The following ZNF181 variants were observed in gnomAD, a reference collection of about 807,000 sequenced individuals.
ZNF181 encodes the protein zinc finger protein 181 (HHZ181).
Under a neutral mutation model 11.9 loss-of-function variants are expected in ZNF181, and 8 were observed. The ratio of observed to expected loss-of-function variants is 0.67; its 90% CI spans 0.39 to 1.21. The LOEUF is 1.21. Among genes scored for constraint, ZNF181 ranks in the 50% most tolerant of loss-of-function variants. The pLI, the probability that ZNF181 is intolerant of heterozygous loss-of-function variation, is 0.01. For missense variants in ZNF181, 542 were observed against 670.9 expected (o/e 0.81, Z 2.12); for synonymous variants, 202 against 221.1 (o/e 0.91, Z 0.77).
Position 34,740,846 on chromosome 19 carries a change from C to T in ZNF181, c.465C>T (p.Tyr155=). 2 of 1,614,084 alleles carry T rather than the reference C, an allele frequency of 1.2e-6. No homozygotes were observed. The highest frequency in any genetic ancestry group is 1.7e-6 in the Non-Finnish European group (2 of 1,179,994). ...AAAGCCCCACTGCAGACAGTGTTTA[C>T]AAATACAATATATTTAGAAGCACCT... ...SRESPTADSV[Y]KYNIFRSTFH... is the part of the protein sequence containing the mutation. Residue 155 remains tyrosine (Y), a synonymous_variant, in exon 4 of 4, where the codon TAC becomes TAT. Coordinates refer to ENST00000492450, the MANE Select transcript of ZNF181 (RefSeq NM_001029997.4).
chr19:34,739,711 T>G, intron 3 of ZNF181, 90 bp downstream of exon 3: 1 of 1,304,732 alleles, frequency 7.7e-7, no homozygotes, highest in Non-Finnish European at 1.1e-6. Flanking sequence ...TGGAGGCATT[T>G]TAGGTATACT....
rs544550134 is a variant in ZNF181 at position 34,741,663 on chromosome 19, A to G, written c.1282A>G (p.Thr428Ala). The change falls in exon 4 of 4, where the codon ACT becomes GCT. Residue 428 changes from threonine (T) to alanine (A), a missense_variant. Thr to Ala is a moderately conservative substitution (Grantham distance 58, BLOSUM62 0). Transcript: ENST00000492450. Reference sequence around the variant, plus strand: ...TCTTGTTCAGCATCAGAGTATTCATACTGAAGAAAAACCCTTTGAATGTCA... The same window carrying G: ...TCTTGTTCAGCATCAGAGTATTCATGCTGAAGAAAAACCCTTTGAATGTCA... ...SFLVQHQSIH[T>A]EEKPFECQKC... 1.0e-4 allele frequency: 165 copies of G among 1,613,796 alleles called. 2 individuals are homozygous for G. The East Asian group carries it at 3.5e-3, about 34-fold the overall frequency.
chr19:34,738,163 T>C (rs527888236), intron 1 of ZNF181, among the ~76,000 whole-genome samples: 4 of 152,320 alleles, frequency 2.6e-5, no homozygotes, highest in South Asian at 4.1e-4. Flanking sequence ...TTTTAGTCCA[T>C]TGGTGCTGCT....
Position 34,741,031 on chromosome 19 carries a change from C to T in ZNF181, c.650C>T (p.Ala217Val). 6.2e-7 allele frequency: 1 copy of T among 1,614,144 alleles called. No homozygotes were observed. The highest frequency in any genetic ancestry group is 8.5e-7 in the Non-Finnish European group (1 of 1,179,978). ...CTTTTGAATTCTAATAAAAGTGGGGCAGCCTTCAGCCAGGGCAAATCTCTT... is the reference window on the plus strand; with the variant it reads ...CTTTTGAATTCTAATAAAAGTGGGGTAGCCTTCAGCCAGGGCAAATCTCTT... ...KKLLNSNKSG[A>V]AFSQGKSLTL... is the part of the protein sequence containing the mutation. The change falls in exon 4 of 4, where the codon GCA (alanine) becomes GTA (valine). Residue 217 changes from alanine (A) to valine (V), a missense_variant. Physicochemically the swap from Ala to Val is moderately conservative, Grantham distance 64 (BLOSUM62 0). Coordinates refer to ENST00000492450, the MANE Select transcript of ZNF181 (RefSeq NM_001029997.4).
At position 34,739,599 on chromosome 19, in the gene ZNF181, A is replaced by G. The variant is rs2068938590; in HGVS notation, c.207A>G (p.Lys69=). ...DGKEPWMMEK[K]LSKGMIPDWE... ...AAGAGCCCTGGATGATGGAGAAAAAACTGTCAAAAGGTATGATTCCAGGTG... is the reference window on the plus strand; with the variant it reads ...AAGAGCCCTGGATGATGGAGAAAAAGCTGTCAAAAGGTATGATTCCAGGTG... Residue 69 remains lysine, a synonymous_variant, in exon 3 of 4, where the codon AAA becomes AAG. Transcript: ENST00000492450. 20 of 1,613,938 alleles carry G rather than the reference A, an allele frequency of 1.2e-5. No homozygotes were observed. Among genetic ancestry groups the G allele is most frequent in the Non-Finnish European group, 1.4e-5 (17 of 1,179,974 alleles).
Position 34,741,108 on chromosome 19 carries a change from G to A in ZNF181, c.727G>A (p.Gly243Arg), listed in dbSNP as rs775961382. The A allele has an allele frequency of 6.2e-7, 1 of 1,614,048 alleles. No individual in the cohort carries two copies. Among genetic ancestry groups the A allele is most frequent in the South Asian group, 1.1e-5 (1 of 91,076 alleles). ...GAAAATCTATACATGCAGTGAATGTGGGAAAGCCTTTGGCAAACAGTCAAT... is the reference window on the plus strand; with the variant it reads ...GAAAATCTATACATGCAGTGAATGTAGGAAAGCCTTTGGCAAACAGTCAAT... ...REKIYTCSEC[G>R]KAFGKQSILN... is the part of the protein sequence containing the mutation. Residue 243 changes from glycine to arginine, a missense_variant, in exon 4 of 4, where the codon GGG (glycine) becomes AGG (arginine). Gly to Arg is a moderately radical substitution (Grantham distance 125). Coordinates refer to ENST00000492450, the MANE Select transcript of ZNF181 (RefSeq NM_001029997.4).
rs1369470317 is a variant in ZNF181 at position 34,742,686 on chromosome 19, A to G, written c.*589A>G. 1 of 152,254 alleles carries G rather than the reference A, an allele frequency of 6.6e-6. No homozygotes were observed. The highest frequency in any genetic ancestry group is 1.5e-5 in the Non-Finnish European group (1 of 68,034). 9.4% of individuals were successfully genotyped at this position (152,254 alleles called of 1,614,324 possible). A position where few individuals can be genotyped will look rare whatever the true frequency, so the allele number is the denominator to read the frequency against. ...TTATAATAAAATATGCATTTCTTAG[A>G]GCAGTAGCTTGCAGTTTCAGTTGAG... On this transcript the variant is annotated 3_prime_UTR_variant, in exon 4 of 4. Transcript: ENST00000492450.
rs1440376896 is a variant in ZNF181 at position 34,741,684 on chromosome 19, T to G, written c.1303T>G (p.Cys435Gly). ...SIHTEEKPFE[C>G]QKCRKSFNQL... ...TCATACTGAAGAAAAACCCTTTGAATGTCAGAAATGCAGGAAATCCTTCAA... is the reference window on the plus strand; with the variant it reads ...TCATACTGAAGAAAAACCCTTTGAAGGTCAGAAATGCAGGAAATCCTTCAA... The change falls in exon 4 of 4, where the codon TGT becomes GGT. Residue 435 changes from cysteine to glycine, a missense_variant. Physicochemically the swap from Cys to Gly is radical, Grantham distance 159 (BLOSUM62 -3). Coordinates refer to ENST00000492450, the MANE Select transcript of ZNF181 (RefSeq NM_001029997.4). 11 of 1,613,732 alleles carry G rather than the reference T, an allele frequency of 6.8e-6. No homozygotes were observed. Among genetic ancestry groups the G allele is most frequent in the South Asian group, 3.3e-5 (3 of 91,074 alleles).
rs758904822 is a variant in ZNF181, at chr19:34,741,097, G to A, written c.716G>A (p.Cys239Tyr). Residue 239 changes from cysteine to tyrosine, a missense_variant, in exon 4 of 4, where the codon TGC becomes TAC. Transcript: ENST00000492450. ...QTCNREKIYT[C>Y]SECGKAFGKQ... ...TGTAATAGAGAGAAAATCTATACAT[G>A]CAGTGAATGTGGGAAAGCCTTTGGC... is the stretch of plus-strand genomic sequence containing the variant. 3.1e-6 allele frequency: 5 copies of A among 1,614,126 alleles called. No homozygotes were observed. In the South Asian group the frequency reaches 4.4e-5, roughly 14 times the overall value.
chr19:34,740,541 A>C, intron 3 of ZNF181, 70 bp from the exon 4 acceptor site: 1 of 1,445,786 alleles, frequency 6.9e-7, no homozygotes, highest in African/African-American at 1.5e-5. Flanking sequence ...TCCTAATTCC[A>C]ATTTAGAAGT....
chr19:34,737,171 A>G (rs1018035160), intron 1 of ZNF181, among the ~76,000 whole-genome samples: 1 of 152,208 alleles, frequency 6.6e-6, no homozygotes, highest in Non-Finnish European at 1.5e-5. Context: ...ATCACAGTTG[A>G]TTTAGTGATT....
Position 34,744,045 on chromosome 19 carries a change from T to C in ZNF181, c.*1948T>C, listed in dbSNP as rs1308923205. The C allele has an allele frequency of 6.6e-6, 1 of 152,236 alleles. No individual in the cohort carries two copies. Among genetic ancestry groups the C allele is most frequent in the Non-Finnish European group, 1.5e-5 (1 of 68,038 alleles). 9.4% of individuals were successfully genotyped at this position (152,236 alleles called of 1,614,324 possible). On this transcript the variant is annotated 3_prime_UTR_variant, in exon 4 of 4. Transcript: ENST00000492450. ...GATATGGATTATGCTTCAGATTTTG[T>C]TCTTTATCTCAGGTGAGAGTAGTAA...
chr19:34,737,938 C>T (rs1417744479), intron 1 of ZNF181, among the ~76,000 whole-genome samples: 2 of 152,134 alleles, frequency 1.3e-5, no homozygotes, highest in Non-Finnish European at 2.9e-5. Context: ...ATCTCCTGCT[C>T]TGTGGCCTGA....
intron 3 of ZNF181, 51 bp from the exon 4 acceptor site, chr19:34,740,560 A>T (rs2068952950): frequency 5.5e-6 from 8 of 1,447,510 alleles, no homozygotes; most frequent in Non-Finnish European, 7.3e-6. Flanking sequence ...GTTTCTTTTC[A>T]AATAGTTAAA....
At position 34,743,855 on chromosome 19, in the gene ZNF181, TTA is replaced by T. The variant is rs1411493738; in HGVS notation, c.*1760_*1761del. On this transcript the variant is annotated 3_prime_UTR_variant, in exon 4 of 4. Transcript: ENST00000492450. ...CTCTGCACTGAACCTTGACAGATAA[TTA>T]TGTTTTGTAAGGAGGCAGGATGGCT... 13 of 152,206 alleles carry T rather than the reference TTA, an allele frequency of 8.5e-5. No homozygotes were observed. Among genetic ancestry groups the T allele is most frequent in the African/African-American group, 3.1e-4 (13 of 41,454 alleles). The allele number at this position is 152,206 out of a possible 1,614,324, so 9.4% of individuals were successfully genotyped here.
chr19:34,736,764 T>C (rs1440555769), intron 1 of ZNF181, among the ~76,000 whole-genome samples: 1 of 152,200 alleles, frequency 6.6e-6, no homozygotes, highest in Non-Finnish European at 1.5e-5. Flanking sequence ...GTATTGAGGA[T>C]TGCAGCACTG....
chr19:34,739,124 G>A lies in ZNF181; in HGVS notation c.10-24G>A, dbSNP rs1165155673. 9 of 1,613,126 alleles carry A rather than the reference G, an allele frequency of 5.6e-6. No homozygotes were observed. In the African/African-American group the frequency reaches 9.3e-5, roughly 17 times the overall value. ...CAGAAGAGGCCTGGGCTATGGCTGA[G>A]CCTAAATATGTTTGCTATTTCAGGT... On this transcript the variant is annotated intron_variant, in intron 1 of 3. Coordinates refer to ENST00000492450, the MANE Select transcript of ZNF181 (RefSeq NM_001029997.4).
At position 34,735,004 on chromosome 19, in the gene ZNF181, G is replaced by C. The variant is rs753219702; in HGVS notation, c.-34G>C. ...CATCTCTAAGATAAGAGCCTGGAAA[G>C]AGGACTCTGTTGGCTGTTGGAAATT... On this transcript the variant is annotated 5_prime_UTR_variant, in exon 1 of 4. Transcript: ENST00000492450. 27 of 1,573,300 alleles carry C rather than the reference G, an allele frequency of 1.7e-5. No homozygotes were observed.
Position 34,741,565 on chromosome 19 carries a change from A to G in ZNF181, c.1184A>G (p.His395Arg), listed in dbSNP as rs2068977315. Residue 395 changes from histidine (H) to arginine (R), a missense_variant, in exon 4 of 4, where the codon CAT becomes CGT. His to Arg is a conservative substitution (Grantham distance 29). Coordinates refer to ENST00000492450, the MANE Select transcript of ZNF181 (RefSeq NM_001029997.4). ...TGCTGTAGCTCACACCTTACTCGAC[A>G]TCAAAGAATTCACACTATGGAGAAA... is the stretch of plus-strand genomic sequence containing the variant. ...AFCCSSHLTRHQRIHTMEKQY... is the reference protein window; with the variant it reads ...AFCCSSHLTRRQRIHTMEKQY... 1.2e-6 allele frequency: 2 copies of G among 1,613,926 alleles called. No homozygotes were observed. The highest frequency in any genetic ancestry group is 1.7e-6 in the Non-Finnish European group (2 of 1,179,984).
Sources: allele counts gnomAD v4.1 joint callset (sites outside exome capture counted in the v4.1 genomes callset), GRCh38; gene constraint gnomAD v4.1.1; transcripts MANE v1.5; gene names NCBI Gene and HGNC (gene_info 2026-07-23, HGNC 2026-07-21).